The following GRM5 variants were observed in gnomAD, a reference collection of about 807,000 sequenced individuals.
GRM5 encodes the protein glutamate metabotropic receptor 5.
In GRM5, 19 loss-of-function variants were observed where a neutral mutation model predicts 83.1. The observed-to-expected ratio is 0.23, with a 90% confidence interval of 0.16 to 0.34. The LOEUF is 0.34. GRM5 is among the 10% of genes least tolerant of loss of function. The pLI, the probability that GRM5 is intolerant of heterozygous loss-of-function variation, is 1.00. For synonymous variants in GRM5, 675 were observed against 633.6 expected, an observed-to-expected ratio of 1.07 and a Z score of -0.98; for missense variants, 1,160 against 1,588.3, an observed-to-expected ratio of 0.73 and a Z score of 4.58.
intron 7 of GRM5, among the ~76,000 whole-genome samples, chr11:88,587,210 T>C (rs1943333924): frequency 6.6e-6 from 1 of 152,146 alleles, no homozygotes; most frequent in African/African-American, 2.4e-5. Context: ...AAGGGGAAAC[T>C]TAGCAGTCTA....
chr11:88,668,444 ACT>A (rs1940108815), intron 3 of GRM5, among the ~76,000 whole-genome samples: 1 of 152,036 alleles, frequency 6.6e-6, no homozygotes, highest in Non-Finnish European at 1.5e-5. Context: ...AAAGAGGAAA[ACT>A]TCATTTTATA....
intron 2 of GRM5, among the ~76,000 whole-genome samples, chr11:88,931,888 ATATG>A (rs1347554963): frequency 6.6e-6 from 1 of 152,130 alleles, no homozygotes; most frequent in African/African-American, 2.4e-5. Flanking sequence ...AACACATTAT[ATATG>A]TCATGAAAAC....
chr11:88,626,819 A>C (rs1360468422), intron 4 of GRM5, among the ~76,000 whole-genome samples: 1 of 152,020 alleles, frequency 6.6e-6, no homozygotes, highest in East Asian at 1.9e-4. Context: ...AAGAAGATAC[A>C]AAAAAAATTT....
At chr11:89,060,458 A>G (rs1389638370) in intron 1 of GRM5, among the ~76,000 whole-genome samples, 4 of 152,280 alleles carry the variant, frequency 2.6e-5, no homozygotes, top group East Asian at 3.9e-4. Flanking sequence ...CTGTTCTTTG[A>G]CAGTAGAATA....
chr11:88,837,730 C>T (rs1944117096), intron 3 of GRM5, among the ~76,000 whole-genome samples: 2 of 152,094 alleles, frequency 1.3e-5, no homozygotes, highest in South Asian at 2.1e-4. Context: ...GCACCTCCCA[C>T]GTCAACTGGT....
rs1591076403 is a variant in GRM5 at position 89,047,639 on chromosome 11, C to T, written c.234G>A (p.Arg78=). Residue 78 remains arginine, a synonymous_variant, in exon 2 of 10, where the codon AGG becomes AGA. Coordinates refer to ENST00000305447, the MANE Select transcript of GRM5 (RefSeq NM_001143831.3). The surrounding 1 kb of genome is among the most constrained non-coding windows in gnomAD (Gnocchi z 5.1). ...RVEAMLHTLE[R]INSDPTLLPN... ...GCAAGAGTGTGGGGTCTGAATTGAT[C>T]CTTTCCAGGGTATGCAGCATGGCCT... The T allele has an allele frequency of 1.9e-6, 3 of 1,614,040 alleles. No homozygotes were observed. Among genetic ancestry groups the T allele is most frequent in the African/African-American group, 2.7e-5 (2 of 75,030 alleles).
At chr11:88,862,823 C>G (rs1944589005) in intron 2 of GRM5, among the ~76,000 whole-genome samples, 1 of 152,056 alleles carries the variant, frequency 6.6e-6, no homozygotes, top group Non-Finnish European at 1.5e-5. Context: ...TCAGAGCAAA[C>G]AGACCATCTA....
chr11:88,659,697 C>T (rs553235524), intron 3 of GRM5, among the ~76,000 whole-genome samples: 67 of 152,214 alleles, frequency 4.4e-4, no homozygotes, highest in Admixed American at 7.9e-4. Context: ...CAGAATATCA[C>T]AATCTATTTT....
chr11:88,760,051 A>G (rs1437103582), intron 3 of GRM5, among the ~76,000 whole-genome samples: 1 of 152,168 alleles, frequency 6.6e-6, no homozygotes, highest in Non-Finnish European at 1.5e-5. Flanking sequence ...GCAACATACC[A>G]GAATTTCTGA....
chr11:88,844,908 A>C (rs1944271006), intron 3 of GRM5, among the ~76,000 whole-genome samples: 1 of 152,222 alleles, frequency 6.6e-6, no homozygotes, highest in Admixed American at 6.5e-5. Flanking sequence ...TGGATGAGGA[A>C]TTGCTTCTTA....
intron 3 of GRM5, among the ~76,000 whole-genome samples, chr11:88,710,468 C>T (rs1040046120): frequency 6.6e-6 from 1 of 152,078 alleles, no homozygotes; most frequent in African/African-American, 2.4e-5. Flanking sequence ...GGTACTGTCA[C>T]TTACTAATTA....
intron 4 of GRM5, among the ~76,000 whole-genome samples, chr11:88,625,972 G>T (rs1938784748): frequency 6.6e-6 from 1 of 152,096 alleles, no homozygotes; most frequent in Admixed American, 6.6e-5. Context: ...AACAGGCAGT[G>T]AGCTCTAAGA....
chr11:88,632,074 A>G (rs1938986469), intron 4 of GRM5, among the ~76,000 whole-genome samples: 1 of 152,088 alleles, frequency 6.6e-6, no homozygotes. Context: ...TCATGAAACC[A>G]CACAAAAGTC....
intron 3 of GRM5, among the ~76,000 whole-genome samples, chr11:88,754,604 T>A (rs1456274232): frequency 6.6e-6 from 1 of 152,056 alleles, no homozygotes; most frequent in Admixed American, 6.6e-5. Flanking sequence ...GTCATTACAC[T>A]CCCAGATGTA....
chr11:88,682,788 A>G (rs1021891581), intron 3 of GRM5, among the ~76,000 whole-genome samples: 1 of 152,180 alleles, frequency 6.6e-6, no homozygotes, highest in African/African-American at 2.4e-5. Flanking sequence ...TCTGATCTCT[A>G]TGAATTAAAG....
intron 1 of GRM5, among the ~76,000 whole-genome samples, chr11:89,060,975 T>A (rs1350487186): frequency 6.6e-6 from 1 of 152,168 alleles, no homozygotes; most frequent in Non-Finnish European, 1.5e-5. Flanking sequence ...AATATGAATA[T>A]AACACATAAC....
At chr11:88,803,706 G>C (rs1943443926) in intron 3 of GRM5, among the ~76,000 whole-genome samples, 2 of 152,064 alleles carry the variant, frequency 1.3e-5, no homozygotes, top group African/African-American at 4.8e-5. Context: ...AAACTAAAGA[G>C]CTTCTACACA....
intron 2 of GRM5, among the ~76,000 whole-genome samples, chr11:88,924,144 A>AAAAT (rs1167618969): frequency 1.3e-5 from 2 of 151,388 alleles, no homozygotes; most frequent in African/African-American, 2.4e-5. Flanking sequence ...CAAAAAAAAA[A>AAAAT]AATAAGAAAT....
At chr11:88,877,567 C>A (rs1457028092) in intron 2 of GRM5, among the ~76,000 whole-genome samples, 1 of 151,972 alleles carries the variant, frequency 6.6e-6, no homozygotes, top group Non-Finnish European at 1.5e-5. Context: ...AATCCCAGCA[C>A]TTTGGGAGGC....
Sources: allele counts gnomAD v4.1 joint callset (sites outside exome capture counted in the v4.1 genomes callset), GRCh38; gene constraint gnomAD v4.1.1; non-coding constraint Gnocchi (gnomAD v3.1); transcripts MANE v1.5; gene names NCBI Gene and HGNC (gene_info 2026-07-23, HGNC 2026-07-21).